The following C5orf34 variants were observed in gnomAD, a reference collection of about 807,000 sequenced individuals.
The protein encoded by C5orf34 is chromosome 5 open reading frame 34.
C5orf34 carries 73 observed loss-of-function variants against 78.4 expected under a neutral mutation model. The ratio of observed to expected loss-of-function variants is 0.93; its 90% CI spans 0.77 to 1.13. The LOEUF (loss-of-function observed/expected upper bound fraction) is 1.13, where lower values mean the gene tolerates loss of function less well. C5orf34 is among the 50% of genes most tolerant of loss of function. C5orf34 has a pLI of 0.00. For missense variants in C5orf34, 730 were observed against 732.7 expected, an observed-to-expected ratio of 1.00 and a Z score of 0.04; for synonymous variants, 251 against 246.6, an observed-to-expected ratio of 1.02 and a Z score of -0.17.
chr5:43,497,829 G>C (rs1210127563), intron 6 of C5orf34, among the ~76,000 whole-genome samples: 2 of 152,198 alleles, frequency 1.3e-5, no homozygotes, highest in South Asian at 4.1e-4. Context: ...ACATCACCAT[G>C]TTAAAACTGG....
At chr5:43,506,492 A>G (rs1392333237) in intron 3 of C5orf34, 98 bp from the exon 4 acceptor site, 1 of 1,242,440 alleles carries the variant, frequency 8.0e-7, no homozygotes, top group Non-Finnish European at 1.1e-6. Flanking sequence ...AAAGCTCTTA[A>G]ATATTTGTGT....
chr5:43,499,564 C>G (rs1745675763), intron 6 of C5orf34, among the ~76,000 whole-genome samples: 2 of 151,010 alleles, frequency 1.3e-5, no homozygotes, highest in Admixed American at 1.3e-4. Context: ...GACTTCTCCT[C>G]CCTCACAAAA....
intron 1 of C5orf34, among the ~76,000 whole-genome samples, chr5:43,511,593 G>C (rs925147975): frequency 1.1e-4 from 16 of 152,250 alleles, no homozygotes; most frequent in Non-Finnish European, 2.2e-4. Flanking sequence ...TAGAAAAAGG[G>C]GAAATGTGGG....
intron 1 of C5orf34, among the ~76,000 whole-genome samples, chr5:43,510,035 G>A (rs946987485): frequency 3.9e-5 from 6 of 152,214 alleles, no homozygotes; most frequent in African/African-American, 1.4e-4. Flanking sequence ...TTACAGACAT[G>A]AGCCACTGCG....
At chr5:43,495,245 A>G in intron 6 of C5orf34, 1 of 1,607,678 alleles carries the variant, frequency 6.2e-7, no homozygotes, top group Non-Finnish European at 8.5e-7. Context: ...CTTGCCAGGA[A>G]CCATATCAAC....
chr5:43,492,401 G>T, intron 9 of C5orf34, 92 bp from the exon 10 acceptor site: 2 of 820,508 alleles, frequency 2.4e-6, no homozygotes, highest in Non-Finnish European at 4.0e-6. Flanking sequence ...AAAGAAATAA[G>T]TAGAGGAATC....
intron 8 of C5orf34, 99 bp downstream of exon 8, chr5:43,493,444 C>T (rs1022631418): frequency 2.8e-6 from 2 of 705,744 alleles, no homozygotes; most frequent in Non-Finnish European, 2.4e-6. Flanking sequence ...ACAAGAATTT[C>T]TCACATGACT....
Position 43,486,877 on chromosome 5 carries a change from C to T in C5orf34, c.*38G>A. 7.7e-7 allele frequency: 1 copy of T among 1,303,676 alleles called. No homozygotes were observed. Among genetic ancestry groups the T allele is most frequent in the Non-Finnish European group, 1.0e-6 (1 of 973,550 alleles). The allele number at this position is 1,303,676 out of a possible 1,614,324, so 80.8% of individuals were successfully genotyped here. The stretch of plus-strand genomic sequence containing the variant: ...TTATACCAGTCACTTGAAACAACAT[C>T]CTTAAACTTTAATAATATGTTGTAA... On this transcript the variant is annotated 3_prime_UTR_variant, in exon 13 of 13. Transcript: ENST00000306862.
chr5:43,504,557 C>T (rs1022182270), intron 4 of C5orf34, among the ~76,000 whole-genome samples: 2 of 152,022 alleles, frequency 1.3e-5, no homozygotes, highest in Non-Finnish European at 2.9e-5. Flanking sequence ...CATAATTTAG[C>T]CAGCTGAGAG....
intron 9 of C5orf34, 44 bp downstream of exon 9, chr5:43,492,676 C>T (rs772100786): frequency 1.3e-6 from 2 of 1,504,932 alleles, no homozygotes; most frequent in South Asian, 2.4e-5. Flanking sequence ...CTGTTTTCCA[C>T]AGATTACCAA....
intron 6 of C5orf34, chr5:43,496,072 C>T: frequency 6.4e-7 from 1 of 1,570,810 alleles, no homozygotes; most frequent in Non-Finnish European, 8.7e-7. Flanking sequence ...TCTGCCCATT[C>T]TTGGAGATAC....
intron 6 of C5orf34, 96 bp downstream of exon 6, chr5:43,502,276 G>A (rs1745788948): frequency 7.9e-7 from 1 of 1,261,192 alleles, no homozygotes; most frequent in South Asian, 1.3e-5. Context: ...AGGAAGCAAT[G>A]TTATATAATG....
At chr5:43,502,887 A>G (rs983074427) in intron 5 of C5orf34, among the ~76,000 whole-genome samples, 17 of 152,226 alleles carry the variant, frequency 1.1e-4, no homozygotes, top group African/African-American at 3.6e-4. Flanking sequence ...AGCGGAATCA[A>G]TACTTTATGG....
chr5:43,487,869 G>C, intron 12 of C5orf34, 40 bp downstream of exon 12: 3 of 1,448,428 alleles, frequency 2.1e-6, no homozygotes, highest in South Asian at 1.2e-5. Context: ...GAATGAAAGA[G>C]AGTAATTATG....
At chr5:43,489,099 T>C (rs533949584) in intron 11 of C5orf34, among the ~76,000 whole-genome samples, 1 of 151,902 alleles carries the variant, frequency 6.6e-6, no homozygotes, top group African/African-American at 2.4e-5. Context: ...TTGCAAAATA[T>C]CTTTTTTTTT....
intron 6 of C5orf34, among the ~76,000 whole-genome samples, chr5:43,501,007 G>A (rs1428808378): frequency 6.6e-6 from 1 of 152,202 alleles, no homozygotes; most frequent in African/African-American, 2.4e-5. Flanking sequence ...TGCACACAAA[G>A]GTTGGAGAGT....
chr5:43,490,756 C>G (rs1224152368), intron 10 of C5orf34, 27 bp from the exon 11 acceptor site: 1 of 1,187,510 alleles, frequency 8.4e-7, no homozygotes, highest in Admixed American at 1.9e-5. Context: ...AAAAGAAATA[C>G]TTGAAAAATG....
intron 6 of C5orf34, chr5:43,496,541 A>T (rs1237456952): frequency 8.2e-6 from 9 of 1,093,326 alleles, no homozygotes; most frequent in Non-Finnish European, 1.1e-5. Flanking sequence ...CCATTTTTTA[A>T]AAATATAGAA....
At chr5:43,507,262 GAATT>G (rs758295717) in intron 3 of C5orf34, among the ~76,000 whole-genome samples, 2 of 152,294 alleles carry the variant, frequency 1.3e-5, no homozygotes, top group Admixed American at 6.5e-5. Flanking sequence ...GGTTTTTACT[GAATT>G]AATTTTGCCA....
Sources: gnomAD v4.1 joint callset for allele counts (sites outside exome capture counted in the v4.1 genomes callset) on GRCh38, gnomAD v4.1.1 for gene constraint, MANE v1.5 for transcripts, NCBI Gene and HGNC (gene_info 2026-07-23, HGNC 2026-07-21) for gene names.